Variants in SIPA1L2 observed in about 807,000 individuals in gnomAD.
SIPA1L2 encodes signal-induced proliferation-associated 1-like protein 2.
In SIPA1L2, 56 loss-of-function variants were observed where a neutral mutation model predicts 163.9. That is an observed-to-expected ratio of 0.34 (90% CI 0.28 to 0.43). SIPA1L2 has a LOEUF of 0.43. SIPA1L2 is among the 20% of genes least tolerant of loss of function. The pLI is 1.00. For synonymous variants in SIPA1L2, 877 were observed against 865.7 expected (o/e 1.01, Z -0.23); for missense variants, 1,974 against 2,193.5 (o/e 0.90, Z 2.00).
intron 7 of SIPA1L2, among the ~76,000 whole-genome samples, chr1:232,475,817 T>C (rs16857338): frequency 0.034 from 5,179 of 152,324 alleles, 314 homozygotes; most frequent in African/African-American, 0.12. Context: ...TGCAGATCTT[T>C]AATGACTTCA....
chr1:232,566,415 T>C (rs1184664040), intron 2 of SIPA1L2, among the ~76,000 whole-genome samples: 3 of 152,180 alleles, frequency 2.0e-5, no homozygotes, highest in African/African-American at 7.2e-5. Context: ...AAACCATGCA[T>C]ACTGAGACTT....
At chr1:232,442,552 G>GAAAAAAAAAAAAAA (rs59025710) in intron 12 of SIPA1L2, among the ~76,000 whole-genome samples, 4 of 74,728 alleles carry the variant, frequency 5.4e-5, no homozygotes, top group African/African-American at 2.0e-4. Flanking sequence ...CATCTCAAAA[G>GAAAAAAAAAAAAAA]AAAAAAAAAA....
intron 2 of SIPA1L2, among the ~76,000 whole-genome samples, chr1:232,549,043 A>G (rs1403728592): frequency 2.6e-5 from 4 of 152,224 alleles, no homozygotes; most frequent in Admixed American, 2.6e-4. Flanking sequence ...TGGGAAACAG[A>G]AGGAGGAGGA....
intron 2 of SIPA1L2, among the ~76,000 whole-genome samples, chr1:232,541,245 CATTAACATAACATAACATAACA>C (rs2103108193): frequency 7.6e-6 from 1 of 131,684 alleles, no homozygotes; most frequent in Admixed American, 7.8e-5. Context: ...CATAACATAA[CATTAACATAACATAACATAACA>C]TAACATAACA....
chr1:232,462,415 A>G (rs1664288592), intron 9 of SIPA1L2: 1 of 1,438,800 alleles, frequency 7.0e-7, no homozygotes, highest in Non-Finnish European at 9.1e-7. Flanking sequence ...TATGACAGTA[A>G]GTACAGCTGT....
intron 2 of SIPA1L2, among the ~76,000 whole-genome samples, chr1:232,569,289 A>G (rs1253375917): frequency 6.6e-6 from 1 of 152,236 alleles, no homozygotes; most frequent in Non-Finnish European, 1.5e-5. Context: ...AATCATCTAA[A>G]CATGTTATAT....
intron 15 of SIPA1L2, among the ~76,000 whole-genome samples, chr1:232,436,797 G>A (rs1197607927): frequency 2.0e-5 from 3 of 152,170 alleles, no homozygotes; most frequent in Admixed American, 1.3e-4. Context: ...AGCTCGGGGG[G>A]CACGCAAGAG....
chr1:232,479,915 G>A (rs1665240375), intron 6 of SIPA1L2, among the ~76,000 whole-genome samples, 185 bp from the exon 7 acceptor site: 1 of 152,148 alleles, frequency 6.6e-6, no homozygotes, highest in South Asian at 2.1e-4. Context: ...CCAGGACTGT[G>A]GACTGAGAGG....
At chr1:232,570,591 C>T (rs964498515) in intron 2 of SIPA1L2, among the ~76,000 whole-genome samples, 13 of 152,116 alleles carry the variant, frequency 8.5e-5, no homozygotes, top group African/African-American at 3.1e-4. Flanking sequence ...AATTGTAACC[C>T]ATGTTAAAAC....
At chr1:232,399,858 T>C (rs547414214) in intron 22 of SIPA1L2, among the ~76,000 whole-genome samples, 2 of 151,940 alleles carry the variant, frequency 1.3e-5, no homozygotes, top group East Asian at 3.8e-4. Flanking sequence ...GTTCCCCCCC[T>C]GCTGAAAGGG....
In SIPA1L2 at chr1:232,460,933, C is replaced by T. The variant is rs1664203129; in HGVS notation, c.3049G>A (p.Val1017Met). ...TGGGGCTGGATGATGACCACCTTCA[C>T]AGTCACAGAAGTACGGAGCAGGTCG... is the stretch of plus-strand genomic sequence containing the variant. Reference protein sequence around the residue: ...MIDLLRTSVTVKVVIIQPHDD... With the variant: ...MIDLLRTSVTMKVVIIQPHDD... The change falls in exon 10 of 23, where the codon GTG becomes ATG. Residue 1017 changes from valine to methionine, a missense_variant. Physicochemically the swap from Val to Met is conservative, Grantham distance 21. This residue lies in a region of SIPA1L2 where 1,079 missense variants were observed against 1,150.7 expected (regional missense o/e 0.94). Transcript: ENST00000674635. The T allele has an allele frequency of 6.2e-7, 1 of 1,614,234 alleles. No homozygotes were observed.
Position 232,432,486 on chromosome 1 carries a change from A to G in SIPA1L2, c.4032-15T>C. The G allele has an allele frequency of 6.2e-7, 1 of 1,608,030 alleles. No individual in the cohort carries two copies. The highest frequency in any genetic ancestry group is 8.5e-7 in the Non-Finnish European group (1 of 1,174,438). ...GGTGAGAACCACTGAGGAGAAAAAC[A>G]GACAAAAGCTGCAATACAATCTGAT... On this transcript the variant is annotated splice_polypyrimidine_tract_variant and intron_variant, in intron 15 of 22. Transcript: ENST00000674635.
At chr1:232,405,062 C>T (rs1442537122) in intron 19 of SIPA1L2, among the ~76,000 whole-genome samples, 2 of 152,194 alleles carry the variant, frequency 1.3e-5, no homozygotes, top group Non-Finnish European at 2.9e-5. Context: ...AATGAGGCTA[C>T]CTGCTTGTTT....
intron 2 of SIPA1L2, among the ~76,000 whole-genome samples, chr1:232,547,229 C>T (rs1658080786): frequency 1.3e-5 from 2 of 152,042 alleles, no homozygotes. Context: ...TGCCCCCTAC[C>T]CCATGACAAA....
In SIPA1L2 at chr1:232,480,178, T is replaced by C. The variant is rs553653372; in HGVS notation, c.1982-448A>G. 1.4e-4 allele frequency among the ~76,000 whole-genome samples: 20 copies of C among 139,100 alleles called. 2 individuals carry two copies. The South Asian group carries it at 4.6e-3, about 32-fold the overall frequency. The allele number at this position is 139,100 out of a possible 152,430, so 91.3% of individuals were successfully genotyped here. On this transcript the variant is annotated intron_variant, in intron 6 of 22. Coordinates refer to ENST00000674635, the MANE Select transcript of SIPA1L2 (RefSeq NM_020808.5). ...GCGTGTGTGTGTGTGTGTGTGTGTG[T>C]GTGTGTGTGTGTGTTTTTACAGTTA...
intron 1 of SIPA1L2, among the ~76,000 whole-genome samples, chr1:232,598,493 T>C (rs1193109695): frequency 6.6e-6 from 1 of 152,210 alleles, no homozygotes; most frequent in Non-Finnish European, 1.5e-5. Context: ...ATCAGAAATA[T>C]ACAAATAAAT....
intron 2 of SIPA1L2, among the ~76,000 whole-genome samples, chr1:232,529,467 G>A (rs1667870143): frequency 1.3e-5 from 2 of 152,242 alleles, no homozygotes; most frequent in Admixed American, 6.5e-5. Context: ...AAGAATGGGT[G>A]ACATGGCTCC....
chr1:232,495,407 C>CA (rs941667408), intron 3 of SIPA1L2, among the ~76,000 whole-genome samples: 1 of 151,238 alleles, frequency 6.6e-6, no homozygotes, highest in Non-Finnish European at 1.5e-5. Context: ...ACTAAAAATA[C>CA]AAAAAAAATT....
In SIPA1L2 at chr1:232,490,954, C is replaced by T; in HGVS notation, c.1726G>A (p.Glu576Lys). ...TGTCGCAAACACTGAATGCTCAGCT[C>T]TGGAATGACGTATTCCAAAACTTCT... ...LKEVLEYVIPELSIQCLRQAS... is the reference protein window; with the variant it reads ...LKEVLEYVIPKLSIQCLRQAS... The change falls in exon 5 of 23, where the codon GAG becomes AAG. Residue 576 changes from glutamate to lysine, a missense_variant. This residue lies in a region of SIPA1L2 where 288 missense variants were observed against 418.9 expected (regional missense o/e 0.69). Transcript: ENST00000674635. 6.2e-7 allele frequency: 1 copy of T among 1,614,168 alleles called. No individual in the cohort carries two copies.
Sources: allele counts gnomAD v4.1 joint callset (sites outside exome capture counted in the v4.1 genomes callset), GRCh38; gene constraint gnomAD v4.1.1; regional missense constraint gnomAD v4.1.1; transcripts MANE v1.5; gene names NCBI Gene and HGNC (gene_info 2026-07-23, HGNC 2026-07-21).